Variants in P4HA3 observed in about 807,000 individuals in gnomAD.
P4HA3 encodes the protein prolyl 4-hydroxylase subunit alpha 3.
A neutral mutation model predicts 66.7 loss-of-function variants in P4HA3; 60 were observed. The observed-to-expected ratio is 0.90, with a 90% CI of 0.73 to 1.12. P4HA3 has a LOEUF of 1.12. P4HA3 is among the 50% of genes most tolerant of loss of function. The probability of loss-of-function intolerance (pLI) is 0.00; values close to 1 mark genes in which losing one functional copy is unlikely to be tolerated. For synonymous variants in P4HA3, 263 were observed against 274.6 expected (o/e 0.96, Z 0.42); for missense variants, 683 against 685.8 (o/e 1.00, Z 0.05).
chr11:74,251,064 AC>A, intron 15 of P4HA3: 1 of 1,556,952 alleles, frequency 6.4e-7, no homozygotes, highest in Non-Finnish European at 8.7e-7. Context: ...TGTGAGAATA[AC>A]CCTGGATGTC....
chr11:74,256,737 C>T (rs1385893749), intron 15 of P4HA3, among the ~76,000 whole-genome samples: 1 of 152,166 alleles, frequency 6.6e-6, no homozygotes, highest in Non-Finnish European at 1.5e-5. Flanking sequence ...GGCCCTGTCA[C>T]ATAGACACTA....
chr11:74,301,617 T>C (rs981630709), intron 3 of P4HA3, among the ~76,000 whole-genome samples: 3 of 152,256 alleles, frequency 2.0e-5, no homozygotes, highest in African/African-American at 7.2e-5. Flanking sequence ...TACACCTTAC[T>C]GCAATAAACA....
chr11:74,295,758 C>T (rs1026701230), intron 4 of P4HA3, among the ~76,000 whole-genome samples: 1 of 152,108 alleles, frequency 6.6e-6, no homozygotes, highest in Non-Finnish European at 1.5e-5. Context: ...AGAACCTAAC[C>T]ATTCCACTAC....
intron 15 of P4HA3, chr11:74,254,535 C>T (rs1485831902): frequency 1.3e-5 from 2 of 153,118 alleles, no homozygotes; most frequent in Admixed American, 1.3e-4. Flanking sequence ...GGGCAGTGTC[C>T]TGAAGCCCAT....
At chr11:74,263,542 C>T (rs1369037055), downstream of P4HA3, among the ~76,000 whole-genome samples, 1 of 152,202 alleles carries the variant, frequency 6.6e-6, no homozygotes, top group African/African-American at 2.4e-5. Flanking sequence ...CTATTTTATA[C>T]TTGGATGACT....
intron 15 of P4HA3, among the ~76,000 whole-genome samples, chr11:74,254,938 G>A (rs561363464): frequency 1.3e-5 from 2 of 152,226 alleles, no homozygotes; most frequent in South Asian, 4.1e-4. Context: ...CGGCTGTGTC[G>A]ACTTTGGTCC....
chr11:74,294,022 G>A (rs1016070932), intron 4 of P4HA3, among the ~76,000 whole-genome samples: 2 of 152,138 alleles, frequency 1.3e-5, no homozygotes, highest in Non-Finnish European at 2.9e-5. Flanking sequence ...AGTTCTCCTG[G>A]ATAATATCCT....
At chr11:74,284,449 A>T (rs1860712945) in intron 7 of P4HA3, among the ~76,000 whole-genome samples, 1 of 152,192 alleles carries the variant, frequency 6.6e-6, no homozygotes, top group Non-Finnish European at 1.5e-5. Context: ...TCCCATACAG[A>T]GGCTGCTCTG....
At chr11:74,297,349 C>A (rs964223148) in intron 4 of P4HA3, among the ~76,000 whole-genome samples, 4 of 152,028 alleles carry the variant, frequency 2.6e-5, no homozygotes, top group Admixed American at 1.3e-4. Context: ...TCTGTTTGGG[C>A]AGCAACACAT....
chr11:74,254,220 C>T (rs906531880), intron 15 of P4HA3: 5 of 153,020 alleles, frequency 3.3e-5, no homozygotes, highest in African/African-American at 9.6e-5. Flanking sequence ...GGGCCTCCTG[C>T]GCCCTCACCT....
At chr11:74,288,774 C>A (rs1018933670) in intron 5 of P4HA3, among the ~76,000 whole-genome samples, 2 of 151,674 alleles carry the variant, frequency 1.3e-5, no homozygotes, top group Non-Finnish European at 2.9e-5. Flanking sequence ...CGTGGTGAAA[C>A]CCAGTCTCTA....
At chr11:74,311,262 A>G in intron 1 of P4HA3, 150 bp downstream of exon 1, 2 of 930,636 alleles carry the variant, frequency 2.1e-6, no homozygotes, top group South Asian at 4.0e-5. Context: ...CCATGCCACA[A>G]TGTCTCAGTC....
At position 74,250,967 on chromosome 11, in the gene P4HA3, G is replaced by A. The variant is rs1156479098; in HGVS notation, c.*1319-2966C>T. On this transcript the variant is annotated intron_variant and NMD_transcript_variant, in intron 15 of 15. Coordinates refer to the P4HA3 transcript ENST00000524388. ...ATTCCTCTCCAGGGAAGTTCCAGAT[G>A]CAGGTCCTACCCCAGTGTGGCCATG... 5 of 1,601,236 alleles carry A rather than the reference G, an allele frequency of 3.1e-6. No individual in the cohort carries two copies. The highest frequency in any genetic ancestry group is 4.3e-6 in the Non-Finnish European group (5 of 1,173,840).
chr11:74,274,730 A>C (rs554336724), intron 9 of P4HA3, among the ~76,000 whole-genome samples: 8 of 152,358 alleles, frequency 5.3e-5, no homozygotes, highest in Non-Finnish European at 1.2e-4. Flanking sequence ...CTGGATCATA[A>C]GTAGGTGAAT....
At chr11:74,292,730 T>C (rs552781035) in intron 4 of P4HA3, among the ~76,000 whole-genome samples, 1 of 152,332 alleles carries the variant, frequency 6.6e-6, no homozygotes, top group South Asian at 2.1e-4. Flanking sequence ...GAGCAGGTTG[T>C]TCAGTTTCCA....
chr11:74,269,841 C>A, intron 10 of P4HA3, 121 bp from the exon 11 acceptor site: 1 of 1,034,900 alleles, frequency 9.7e-7, no homozygotes, highest in Non-Finnish European at 1.4e-6. Flanking sequence ...GAGAGAAATA[C>A]TTGAAAGACA....
intron 14 of P4HA3, among the ~76,000 whole-genome samples, chr11:74,261,394 G>C (rs569097665): frequency 6.6e-6 from 1 of 152,148 alleles, no homozygotes; most frequent in African/African-American, 2.4e-5. Context: ...GAAAGGTGGG[G>C]AGCAATCAGA....
rs1778077747 is a variant in P4HA3 at position 74,267,183 on chromosome 11, C to A, written c.*65G>T. 1.9e-6 allele frequency: 3 copies of A among 1,610,200 alleles called. No individual in the cohort carries two copies. The highest frequency in any genetic ancestry group is 2.5e-6 in the Non-Finnish European group (3 of 1,178,828). On this transcript the variant is annotated 3_prime_UTR_variant, in exon 13 of 13. Transcript: ENST00000331597. ...TGCTCTGCTTTCTCCTCTCCTACCC[C>A]AGCTTTTGGCTCCTGGCTTCTCTGG...
chr11:74,268,617 A>G (rs1343106407), intron 11 of P4HA3, among the ~76,000 whole-genome samples: 1 of 152,238 alleles, frequency 6.6e-6, no homozygotes, highest in African/African-American at 2.4e-5. Context: ...CACAAGGTGG[A>G]ACAAAATATT....
Sources: gnomAD v4.1 joint callset for allele counts (sites outside exome capture counted in the v4.1 genomes callset) on GRCh38, gnomAD v4.1.1 for gene constraint, MANE v1.5 for transcripts, NCBI Gene and HGNC (gene_info 2026-07-23, HGNC 2026-07-21) for gene names.